The following MYPN variants were observed in gnomAD, a reference collection of about 807,000 sequenced individuals.
The protein encoded by MYPN is myopalladin.
In MYPN, 63 loss-of-function variants were observed where a neutral mutation model predicts 129.4. The observed-to-expected ratio is 0.49, with a 90% confidence interval of 0.40 to 0.60. The LOEUF is 0.60. Among genes scored for constraint, MYPN ranks in the 20% least tolerant of loss-of-function variants. MYPN has a pLI of 0.00. For missense variants in MYPN, 1,596 were observed against 1,635.4 expected, an observed-to-expected ratio of 0.98 and a Z score of 0.42; for synonymous variants, 629 against 600.9, an observed-to-expected ratio of 1.05 and a Z score of -0.68.
In MYPN at chr10:68,203,720, C is replaced by CAGAGAGAG. The variant is rs371058853; in HGVS notation, c.3659+1746_3659+1753dup. ...ACACACACACACACACATACACACA[C>CAGAGAGAG]AGAGAGAGAGAGAGAGAGAGAGAGA... On this transcript the variant is annotated intron_variant, in intron 18 of 19. Coordinates refer to ENST00000358913, the MANE Select transcript of MYPN (RefSeq NM_032578.4). Among the ~76,000 whole-genome samples, 416 of 115,748 alleles carry CAGAGAGAG rather than the reference C, an allele frequency of 3.6e-3. 2 individuals carry two copies. Among genetic ancestry groups the CAGAGAGAG allele is most frequent in the South Asian group, 0.022 (72 of 3,344 alleles). The allele number at this position is 115,748 out of a possible 152,430, so 75.9% of individuals were successfully genotyped here.
At chr10:68,122,947 A>G (rs547753948) in intron 2 of MYPN, among the ~76,000 whole-genome samples, 1 of 152,266 alleles carries the variant, frequency 6.6e-6, no homozygotes, top group African/African-American at 2.4e-5. Flanking sequence ...ATTATCATTC[A>G]ACATATAACC....
chr10:68,191,320 C>T (rs138609875), intron 13 of MYPN, among the ~76,000 whole-genome samples: 2 of 151,592 alleles, frequency 1.3e-5, no homozygotes, highest in African/African-American at 2.4e-5. Context: ...TGGGTTCAAG[C>T]GATTCTCCTG....
intron 2 of MYPN, among the ~76,000 whole-genome samples, chr10:68,135,064 G>A (rs1036234259): frequency 6.6e-6 from 1 of 151,958 alleles, no homozygotes; most frequent in Non-Finnish European, 1.5e-5. Flanking sequence ...CGATTCTCAA[G>A]CCTCAGCCTC....
In MYPN at chr10:68,175,375, G is replaced by T. The variant is rs767769379; in HGVS notation, c.2617G>T (p.Asp873Tyr). ...KNTKSPQPVN[D>Y]DNIRETKNAV... ...TACAAAGTCTCCTCAACCAGTGAAT[G>T]ATGATAACATTCGTGAAACTAAGAA... is the stretch of plus-strand genomic sequence containing the variant. The change falls in exon 12 of 20, where the codon GAT becomes TAT. Residue 873 changes from aspartate to tyrosine, a missense_variant. By Grantham distance (160) the Asp-to-Tyr change is radical. Transcript: ENST00000358913. 4 of 1,614,128 alleles carry T rather than the reference G, an allele frequency of 2.5e-6. No homozygotes were observed. The highest frequency in any genetic ancestry group is 3.4e-6 in the Non-Finnish European group (4 of 1,179,986).
chr10:68,157,561 C>T (rs796209871), intron 6 of MYPN, among the ~76,000 whole-genome samples: 18 of 149,934 alleles, frequency 1.2e-4, no homozygotes, highest in African/African-American at 4.2e-4. Flanking sequence ...AGGCCGGGTG[C>T]GGTAGCTCAA....
intron 18 of MYPN, among the ~76,000 whole-genome samples, chr10:68,202,540 A>AT (rs2043735874): frequency 6.6e-6 from 1 of 152,248 alleles, no homozygotes; most frequent in Admixed American, 6.5e-5. Context: ...GAAGTAAAAA[A>AT]GCTAACACAA....
chr10:68,147,269 C>T (rs962796297), intron 4 of MYPN, among the ~76,000 whole-genome samples: 8 of 152,144 alleles, frequency 5.3e-5, no homozygotes, highest in Non-Finnish European at 8.8e-5. Flanking sequence ...ATTCTCCCAC[C>T]TCAGCCTCCC....
chr10:68,174,088 C>G lies in MYPN; in HGVS notation c.1996C>G (p.Leu666Val), dbSNP rs1332211782. Residue 666 changes from leucine to valine, a missense_variant, in exon 11 of 20, where the codon CTT (leucine) becomes GTT (valine). Leu to Val is a conservative substitution (Grantham distance 32). Coordinates refer to ENST00000358913, the MANE Select transcript of MYPN (RefSeq NM_032578.4). ...PKLDSTQLQQLHNQVLLEQHQ... is the reference protein window; with the variant it reads ...PKLDSTQLQQVHNQVLLEQHQ... The stretch of plus-strand genomic sequence containing the variant: ...CAGTGATTCCACTCAGTTACAACAG[C>G]TTCATAACCAAGTCTTACTGGAACA... 15 of 1,613,788 alleles carry G rather than the reference C, an allele frequency of 9.3e-6. No individual in the cohort carries two copies. The highest frequency in any genetic ancestry group is 1.3e-5 in the Non-Finnish European group (15 of 1,179,840).
At chr10:68,202,069 C>T in intron 18 of MYPN, 75 bp downstream of exon 18, 12 of 1,519,914 alleles carry the variant, frequency 7.9e-6, no homozygotes, top group South Asian at 1.1e-5. Flanking sequence ...AAGTCTGCTG[C>T]TATTTGAGTC....
upstream of MYPN, among the ~76,000 whole-genome samples, chr10:68,104,673 A>G (rs1019325360): frequency 1.3e-5 from 2 of 152,214 alleles, no homozygotes; most frequent in Non-Finnish European, 2.9e-5. Flanking sequence ...TTGCTTAGTC[A>G]TACAAAATAA....
chr10:68,205,711 C>A (rs895616354), intron 18 of MYPN, among the ~76,000 whole-genome samples: 1 of 151,820 alleles, frequency 6.6e-6, no homozygotes, highest in Non-Finnish European at 1.5e-5. Flanking sequence ...GAATTTTTGT[C>A]CTGTTCATCT....
chr10:68,186,126 A>G (rs1394179235), intron 12 of MYPN, among the ~76,000 whole-genome samples: 2 of 152,330 alleles, frequency 1.3e-5, no homozygotes, highest in South Asian at 2.1e-4. Context: ...TCCAGTAACA[A>G]TCTTTTACTT....
intron 19 of MYPN, among the ~76,000 whole-genome samples, chr10:68,209,051 T>C (rs758205532): frequency 1.3e-5 from 2 of 152,164 alleles, no homozygotes; most frequent in Non-Finnish European, 2.9e-5. Context: ...ACTGGAAAAC[T>C]GAATCAAGAT....
chr10:68,206,341 C>T (rs1337454746), intron 18 of MYPN, among the ~76,000 whole-genome samples: 11 of 152,118 alleles, frequency 7.2e-5, no homozygotes, highest in South Asian at 2.1e-4. Flanking sequence ...GGAAGCTGCA[C>T]GAGCCCAGCT....
chr10:68,168,413 T>C (rs1441827790), intron 10 of MYPN, among the ~76,000 whole-genome samples: 1 of 152,070 alleles, frequency 6.6e-6, no homozygotes, highest in African/African-American at 2.4e-5. Context: ...CATATGATGA[T>C]GGAAAAAAAA....
At chr10:68,179,886 A>G (rs1365608405) in intron 12 of MYPN, among the ~76,000 whole-genome samples, 1 of 152,216 alleles carries the variant, frequency 6.6e-6, no homozygotes, top group Non-Finnish European at 1.5e-5. Context: ...TTTTAAAAAC[A>G]CACAGAAATT....
intron 15 of MYPN, 152 bp from the exon 16 acceptor site, chr10:68,197,200 C>A: frequency 1.4e-6 from 1 of 716,608 alleles, no homozygotes; most frequent in Non-Finnish European, 2.3e-6. Flanking sequence ...CAGCTCCACA[C>A]CATTATTTAT....
intron 1 of MYPN, among the ~76,000 whole-genome samples, chr10:68,091,014 A>T (rs1179764917): frequency 2.0e-5 from 3 of 152,242 alleles, no homozygotes; most frequent in East Asian, 3.8e-4. Context: ...GTCAGCCAGA[A>T]TTCCAATTTG....
chr10:68,147,423 C>A (rs2042686085), intron 4 of MYPN, among the ~76,000 whole-genome samples: 1 of 152,178 alleles, frequency 6.6e-6, no homozygotes, highest in African/African-American at 2.4e-5. Context: ...TCCCAGAGTG[C>A]TGGGATTATA....
Sources: gnomAD v4.1 joint callset for allele counts (sites outside exome capture counted in the v4.1 genomes callset) on GRCh38, gnomAD v4.1.1 for gene constraint, MANE v1.5 for transcripts, NCBI Gene and HGNC (gene_info 2026-07-23, HGNC 2026-07-21) for gene names.